The following MRRF variants were observed in gnomAD, a reference collection of about 807,000 sequenced individuals.
The protein encoded by MRRF is mitochondrial ribosome recycling factor.
MRRF carries 18 observed loss-of-function variants against 25.1 expected under a neutral mutation model. The ratio of observed to expected loss-of-function variants is 0.72; its 90% CI spans 0.50 to 1.06. The LOEUF is 1.06. MRRF is among the 50% of genes least tolerant of loss of function. MRRF has a pLI of 0.00. For synonymous variants in MRRF, 113 were observed against 112.1 expected (o/e 1.01, Z -0.05); for missense variants, 323 against 319.3 (o/e 1.01, Z -0.09).
chr9:122,265,876 CATA>C, intron 1 of MRRF: 1 of 617,548 alleles, frequency 1.6e-6, no homozygotes, highest in East Asian at 6.6e-5. Context: ...GTGCCAGGTG[CATA>C]ATGATTCTGT....
At chr9:122,297,478 A>T (rs1834164054) in intron 5 of MRRF, among the ~76,000 whole-genome samples, 1 of 152,204 alleles carries the variant, frequency 6.6e-6, no homozygotes, top group Non-Finnish European at 1.5e-5. Flanking sequence ...ACCTAAAAAA[A>T]AAAACTTAAC....
In MRRF at chr9:122,322,687, TTC is replaced by T; in HGVS notation, c.*75_*76del. 1.5e-6 allele frequency: 2 copies of T among 1,349,970 alleles called. No homozygotes were observed. Among genetic ancestry groups the T allele is most frequent in the South Asian group, 2.4e-5 (2 of 83,850 alleles). 83.6% of individuals were successfully genotyped at this position (1,349,970 alleles called of 1,614,324 possible). A position where few individuals can be genotyped will look rare whatever the true frequency, so the allele number is the denominator to read the frequency against. On this transcript the variant is annotated 3_prime_UTR_variant, in exon 7 of 7. Coordinates refer to ENST00000344641, the MANE Select transcript of MRRF (RefSeq NM_138777.5). ...GATCCCATGGGTGGCACATTGGGAC[TTC>T]TCTCCCTCCCCCATCTACACAGAAG...
Position 122,328,093 on chromosome 9 carries a change from C to T in MRRF, c.*5476C>T, listed in dbSNP as rs1038342231. 2 of 152,112 alleles carry T rather than the reference C, an allele frequency of 1.3e-5. No homozygotes were observed. Among genetic ancestry groups the T allele is most frequent in the African/African-American group, 4.8e-5 (2 of 41,412 alleles). 9.4% of individuals were successfully genotyped at this position (152,112 alleles called of 1,614,324 possible). A position where few individuals can be genotyped will look rare whatever the true frequency, so the allele number is the denominator to read the frequency against. ...GAAGCAATCCTCCCACCTCAGCCTC[C>T]TGAGTAGCTGGGATTACAGCCACGT... On this transcript the variant is annotated 3_prime_UTR_variant, in exon 7 of 7. Coordinates refer to ENST00000344641, the MANE Select transcript of MRRF (RefSeq NM_138777.5).
chr9:122,308,122 T>C (rs1274670457), intron 5 of MRRF, among the ~76,000 whole-genome samples: 2 of 152,138 alleles, frequency 1.3e-5, no homozygotes, highest in Non-Finnish European at 2.9e-5. Context: ...ACAAACAAAG[T>C]ATGACCCTGC....
In MRRF at chr9:122,284,626, G is replaced by T. The variant is rs770554480; in HGVS notation, c.341-543G>T. On this transcript the variant is annotated intron_variant, in intron 3 of 6. Coordinates refer to ENST00000344641, the MANE Select transcript of MRRF (RefSeq NM_138777.5). ...TGTCACAGAAAATTCTTCAGCTCCAGGCAAACCAGGATGGTTGGCCACCCT... is the reference window on the plus strand; with the variant it reads ...TGTCACAGAAAATTCTTCAGCTCCATGCAAACCAGGATGGTTGGCCACCCT... Among the ~76,000 whole-genome samples, 11 of 152,254 alleles carry T rather than the reference G, an allele frequency of 7.2e-5. No individual in the cohort carries two copies. In the South Asian group the frequency reaches 2.3e-3, roughly 32 times the overall value.
At chr9:122,294,529 C>A (rs750630065) in intron 5 of MRRF, among the ~76,000 whole-genome samples, 11 of 152,174 alleles carry the variant, frequency 7.2e-5, no homozygotes, top group Admixed American at 3.9e-4. Flanking sequence ...ATACTTTCTT[C>A]CCTTTGACAA....
At position 122,313,472 on chromosome 9, in the gene MRRF, G is replaced by A. The variant is rs1835326681; in HGVS notation, c.711+86G>A. On this transcript the variant is annotated intron_variant, in intron 6 of 6. Coordinates refer to ENST00000344641, the MANE Select transcript of MRRF (RefSeq NM_138777.5). Reference sequence around the variant, plus strand: ...GTTTGAGGTGAGGACAGTTAAAACAGAATACCTCTGATCTTTCATTCACAT... The same window carrying A: ...GTTTGAGGTGAGGACAGTTAAAACAAAATACCTCTGATCTTTCATTCACAT... 35 of 1,370,090 alleles carry A rather than the reference G, an allele frequency of 2.6e-5. No homozygotes were observed. The South Asian group carries it at 4.0e-4, about 16-fold the overall frequency. The allele number at this position is 1,370,090 out of a possible 1,614,324, so 84.9% of individuals were successfully genotyped here. A position where few individuals can be genotyped will look rare whatever the true frequency, so the allele number is the denominator to read the frequency against.
At chr9:122,267,085 GAAAA>G (rs1176548797) in intron 1 of MRRF, among the ~76,000 whole-genome samples, 1 of 120,370 alleles carries the variant, frequency 8.3e-6, no homozygotes, top group East Asian at 2.5e-4. Flanking sequence ...AAAAAAAAAA[GAAAA>G]AAAATTCAGG....
intron 5 of MRRF, among the ~76,000 whole-genome samples, chr9:122,301,951 C>T (rs917796702): frequency 6.6e-6 from 1 of 151,326 alleles, no homozygotes; most frequent in African/African-American, 2.4e-5. Flanking sequence ...ACCATGTTGC[C>T]TAGGCTGCTC....
At chr9:122,310,604 C>T (rs936016138) in intron 5 of MRRF, among the ~76,000 whole-genome samples, 3 of 152,238 alleles carry the variant, frequency 2.0e-5, no homozygotes, top group East Asian at 1.9e-4. Flanking sequence ...CCTCTTTCTA[C>T]GTAGTGGCTG....
chr9:122,313,058 A>G (rs987613043), intron 5 of MRRF, among the ~76,000 whole-genome samples, 169 bp from the exon 6 acceptor site: 22 of 152,192 alleles, frequency 1.4e-4, no homozygotes, highest in African/African-American at 5.3e-4. Flanking sequence ...ATGTTTGGGC[A>G]ACTTAAAGCC....
chr9:122,273,452 A>G (rs1363267509), intron 2 of MRRF, among the ~76,000 whole-genome samples: 3 of 152,064 alleles, frequency 2.0e-5, no homozygotes, highest in African/African-American at 7.2e-5. Flanking sequence ...AAAAAAAAAA[A>G]AAAAAAAGAT....
chr9:122,311,487 G>A (rs937105726), intron 5 of MRRF, among the ~76,000 whole-genome samples: 1 of 152,190 alleles, frequency 6.6e-6, no homozygotes, highest in Admixed American at 6.5e-5. Flanking sequence ...TGTTAATAGT[G>A]TGGTAATGTC....
chr9:122,272,926 G>A (rs868856300), intron 2 of MRRF, among the ~76,000 whole-genome samples: 5 of 151,916 alleles, frequency 3.3e-5, no homozygotes, highest in Admixed American at 6.6e-5. Context: ...GTAATGCCCC[G>A]CCCCATTGTG....
intron 5 of MRRF, among the ~76,000 whole-genome samples, chr9:122,307,192 C>A (rs561619658): frequency 1.3e-5 from 2 of 152,174 alleles, no homozygotes; most frequent in African/African-American, 4.8e-5. Context: ...GAAGCAGGAA[C>A]GTGGTGCTGC....
intron 5 of MRRF, among the ~76,000 whole-genome samples, chr9:122,311,087 TA>T (rs1287729486): frequency 6.6e-6 from 1 of 152,212 alleles, no homozygotes; most frequent in Non-Finnish European, 1.5e-5. Flanking sequence ...GGTGTCTTTT[TA>T]AATCTTCATT....
chr9:122,296,826 AGTGG>A (rs1264785142), intron 5 of MRRF, among the ~76,000 whole-genome samples: 1 of 152,152 alleles, frequency 6.6e-6, no homozygotes, highest in Non-Finnish European at 1.5e-5. Flanking sequence ...TAAGTAGAAT[AGTGG>A]TGCTTTGGTT....
intron 6 of MRRF, among the ~76,000 whole-genome samples, chr9:122,320,223 T>G (rs1206324848): frequency 6.6e-6 from 1 of 152,176 alleles, no homozygotes; most frequent in Non-Finnish European, 1.5e-5. Flanking sequence ...GTAAAAGTTA[T>G]AGTAACAAGA....
intron 4 of MRRF, chr9:122,285,872 C>T (rs771667606): frequency 1.3e-5 from 17 of 1,284,808 alleles, no homozygotes; most frequent in Non-Finnish European, 1.6e-5. Context: ...GGAGCAGACC[C>T]TCCAGGAAGT....
Sources: allele counts gnomAD v4.1 joint callset (sites outside exome capture counted in the v4.1 genomes callset), GRCh38; gene constraint gnomAD v4.1.1; transcripts MANE v1.5; gene names NCBI Gene and HGNC (gene_info 2026-07-23, HGNC 2026-07-21).